Variants in PRELID2 observed in about 807,000 individuals in gnomAD.
The protein encoded by PRELID2 is PRELI domain containing 2.
Under a neutral mutation model 28.4 loss-of-function variants are expected in PRELID2, and 25 were observed. That is an observed-to-expected ratio of 0.88 (90% CI 0.64 to 1.23). PRELID2 has a LOEUF of 1.23. Among genes scored for constraint, PRELID2 ranks in the 50% most tolerant of loss-of-function variants. The probability of loss-of-function intolerance (pLI) is 0.00; values close to 1 mark genes in which losing one functional copy is unlikely to be tolerated. For missense variants in PRELID2, 201 were observed against 214.4 expected (o/e 0.94, Z 0.39); for synonymous variants, 76 against 71.6 (o/e 1.06, Z -0.31).
chr5:145,828,832 C>CTTTTTTTTTTTTTTTTTTT (rs67543120), intron 1 of PRELID2, among the ~76,000 whole-genome samples: 1 of 68,276 alleles, frequency 1.5e-5, no homozygotes, highest in African/African-American at 5.6e-5. Flanking sequence ...TGAAAAAAAT[C>CTTTTTTTTTTTTTTTTTTT]TTTTTTTTTT....
At chr5:145,535,318 A>G (rs1380197056) in intron 1 of PRELID2, among the ~76,000 whole-genome samples, 1 of 151,920 alleles carries the variant, frequency 6.6e-6, no homozygotes, top group Non-Finnish European at 1.5e-5. Context: ...ATTATACTGT[A>G]GCCCAGCGAG....
At chr5:145,395,880 C>T in the PRELID2 span, among the ~76,000 whole-genome samples, 1 of 152,230 alleles carries the variant, frequency 6.6e-6, no homozygotes, top group East Asian at 1.9e-4. Flanking sequence ...CAGATAGTCA[C>T]TAAGTTACCT....
At chr5:145,316,066 C>T in the PRELID2 span, among the ~76,000 whole-genome samples, 1 of 152,254 alleles carries the variant, frequency 6.6e-6, no homozygotes, top group African/African-American at 2.4e-5. Flanking sequence ...TCTATCTCCA[C>T]ATTCAGCAAT....
At chr5:145,430,439 C>T in the PRELID2 span, among the ~76,000 whole-genome samples, 2 of 152,118 alleles carry the variant, frequency 1.3e-5, no homozygotes, top group Non-Finnish European at 2.9e-5. Context: ...CTGAGGCAAG[C>T]GGCACCTTCA....
chr5:145,608,040 G>GT (rs112958431), intron 1 of PRELID2, among the ~76,000 whole-genome samples: 10,942 of 136,646 alleles, frequency 0.08, 693 homozygotes, highest in African/African-American at 0.18. Context: ...TTTAAAGCCC[G>GT]TTTTTTTTTT....
the PRELID2 span, among the ~76,000 whole-genome samples, chr5:145,333,037 G>T: frequency 1.3e-5 from 2 of 152,160 alleles, no homozygotes; most frequent in Non-Finnish European, 2.9e-5. Flanking sequence ...TCTGCTGCAG[G>T]TCTGCTGGAG....
the PRELID2 span, among the ~76,000 whole-genome samples, chr5:145,442,063 A>G: frequency 5.9e-5 from 9 of 152,274 alleles, no homozygotes; most frequent in East Asian, 1.7e-3. Context: ...GCCAGGAAGA[A>G]TAATTGATGT....
intron 1 of PRELID2, among the ~76,000 whole-genome samples, chr5:145,705,849 T>C (rs1755532605): frequency 6.6e-6 from 1 of 152,038 alleles, no homozygotes; most frequent in Non-Finnish European, 1.5e-5. Context: ...ATATCCTTCT[T>C]GTGATTTTTT....
At chr5:145,404,297 G>C in the PRELID2 span, among the ~76,000 whole-genome samples, 1,686 of 152,304 alleles carry the variant, frequency 0.011, 15 homozygotes, top group Admixed American at 0.022. Context: ...ACCTCCATTA[G>C]CTCATGCATC....
intron 1 of PRELID2, among the ~76,000 whole-genome samples, chr5:145,722,894 G>A (rs949954325): frequency 9.9e-5 from 15 of 152,038 alleles, no homozygotes; most frequent in African/African-American, 2.9e-4. Flanking sequence ...AAAAAACATT[G>A]TATCAAGGCT....
intron 1 of PRELID2, among the ~76,000 whole-genome samples, chr5:145,674,149 T>C (rs1332182593): frequency 6.6e-6 from 1 of 152,234 alleles, no homozygotes; most frequent in Non-Finnish European, 1.5e-5. Flanking sequence ...ACAAAACTTT[T>C]AAAATGTGGT....
chr5:145,564,470 A>G (rs1371954672), intron 1 of PRELID2, among the ~76,000 whole-genome samples: 3 of 151,878 alleles, frequency 2.0e-5, no homozygotes, highest in East Asian at 3.9e-4. Flanking sequence ...CTTGTCCTGA[A>G]CTCTTGGTAC....
chr5:145,742,666 T>C (rs545213118), intron 1 of PRELID2, among the ~76,000 whole-genome samples: 1 of 149,780 alleles, frequency 6.7e-6, no homozygotes, highest in East Asian at 2.0e-4. Context: ...CTCAAAACAA[T>C]AATCTAAGTT....
intron 4 of PRELID2, among the ~76,000 whole-genome samples, chr5:145,811,784 GT>G (rs922158372): frequency 2.0e-5 from 3 of 152,132 alleles, no homozygotes; most frequent in Non-Finnish European, 4.4e-5. Context: ...CCAATTCCTG[GT>G]TCCTATCCCT....
chr5:145,418,836 G>C, the PRELID2 span, among the ~76,000 whole-genome samples: 1 of 149,952 alleles, frequency 6.7e-6, no homozygotes, highest in South Asian at 2.2e-4. Flanking sequence ...CCACTAACTC[G>C]TCATCTAGTA....
At chr5:145,340,883 C>A in the PRELID2 span, among the ~76,000 whole-genome samples, 3 of 150,542 alleles carry the variant, frequency 2.0e-5, no homozygotes, top group African/African-American at 7.3e-5. Context: ...ACACTGCCAC[C>A]ACTAGGGCCC....
chr5:145,511,881 G>C (rs770830202), intron 1 of PRELID2, among the ~76,000 whole-genome samples: 1 of 152,138 alleles, frequency 6.6e-6, no homozygotes, highest in African/African-American at 2.4e-5. Flanking sequence ...AGTGGAAGCT[G>C]ACGAGAGAGA....
chr5:145,503,226 TTC>T (rs1256971231), intron 1 of PRELID2, among the ~76,000 whole-genome samples: 1 of 152,110 alleles, frequency 6.6e-6, no homozygotes, highest in African/African-American at 2.4e-5. Context: ...ATCGCTGTGG[TTC>T]TGTCTACTTT....
At chr5:145,386,667 C>A in the PRELID2 span, among the ~76,000 whole-genome samples, 1 of 152,136 alleles carries the variant, frequency 6.6e-6, no homozygotes, top group Admixed American at 6.5e-5. Flanking sequence ...TTATTATTTT[C>A]TGTCTTTTGT....
Sources: allele counts gnomAD v4.1 joint callset (sites outside exome capture counted in the v4.1 genomes callset), GRCh38; gene constraint gnomAD v4.1.1; transcripts MANE v1.5; gene names NCBI Gene and HGNC (gene_info 2026-07-23, HGNC 2026-07-21).